DNPEP: variants seen among roughly 807,000 people sequenced by gnomAD.
DNPEP encodes aspartyl aminopeptidase.
Under a neutral mutation model 59.1 loss-of-function variants are expected in DNPEP, and 46 were observed. The observed-to-expected ratio is 0.78, with a 90% CI of 0.61 to 0.99. The LOEUF is 0.99. Ranked by LOEUF, DNPEP falls within the 50% of genes least tolerant of loss-of-function variation. DNPEP has a pLI of 0.00. For synonymous variants in DNPEP, 229 were observed against 242.2 expected (o/e 0.95, Z 0.50); for missense variants, 617 against 649.9 (o/e 0.95, Z 0.55).
chr2:219,395,337 C>T (rs1020048142), intron 1 of DNPEP, among the ~76,000 whole-genome samples: 6 of 152,154 alleles, frequency 3.9e-5, no homozygotes, highest in South Asian at 2.1e-4. Context: ...GCAGAAAGCA[C>T]GCATTTTCAC....
upstream of DNPEP, among the ~76,000 whole-genome samples, chr2:219,389,832 C>CAATCAATCAATAAATAAATAAATA (rs1553601737): frequency 7.0e-6 from 1 of 143,030 alleles, no homozygotes; most frequent in East Asian, 2.1e-4. Context: ...GATTCTGTCT[C>CAATCAATCAATAAATAAATAAATA]AATAAATAAA....
intron 4 of DNPEP, 109 bp from the exon 5 acceptor site, chr2:219,386,520 C>T (rs1953844433): frequency 1.3e-6 from 2 of 1,531,906 alleles, no homozygotes; most frequent in Admixed American, 3.6e-5. Context: ...ACATGAAAGG[C>T]TCAAGGTGTG....
At chr2:219,394,565 G>A (rs186000784) in intron 1 of DNPEP, among the ~76,000 whole-genome samples, 1 of 151,992 alleles carries the variant, frequency 6.6e-6, no homozygotes, top group Non-Finnish European at 1.5e-5. Flanking sequence ...CATGAGCCAC[G>A]GTGCCTGGCC....
chr2:219,382,210 G>T (rs909028043), intron 10 of DNPEP, 71 bp from the exon 11 acceptor site: 29 of 1,527,466 alleles, frequency 1.9e-5, no homozygotes, highest in Non-Finnish European at 2.3e-5. Context: ...AGTGAGAGGG[G>T]CCCATTGCCC....
chr2:219,375,045 G>A (rs1953316612), intron 13 of DNPEP, 23 bp from the exon 14 acceptor site: 2 of 1,612,926 alleles, frequency 1.2e-6, no homozygotes, highest in Non-Finnish European at 1.7e-6. Context: ...GGAGACCCAT[G>A]AGCAACATGC....
At chr2:219,398,676 T>C (rs1044055457) in intron 1 of DNPEP, among the ~76,000 whole-genome samples, 4 of 151,992 alleles carry the variant, frequency 2.6e-5, no homozygotes, top group African/African-American at 9.7e-5. Flanking sequence ...ACTAGGGTAA[T>C]ATGTCTCTAG....
intron 1 of DNPEP, among the ~76,000 whole-genome samples, chr2:219,394,705 G>A (rs1389786595): frequency 6.6e-6 from 1 of 152,154 alleles, no homozygotes; most frequent in Admixed American, 6.5e-5. Context: ...TCAAATTTAT[G>A]TATCCCTAGC....
At chr2:219,385,154 G>C in intron 8 of DNPEP, 1 of 405,748 alleles carries the variant, frequency 2.5e-6, no homozygotes, top group Non-Finnish European at 4.5e-6. Flanking sequence ...GTGGGTCAAA[G>C]CAGACAGGGC....
At position 219,386,693 on chromosome 2, in the gene DNPEP, C is replaced by T. The variant is rs1462870034; in HGVS notation, c.305G>A (p.Gly102Glu). The stretch of plus-strand genomic sequence containing the variant: ...GAGGCAGGGGCTGTCCGTGTGGGCC[C>T]CGATGAGGCTGAAGCCATTGCCAGG... ...YVPGNGFSLI[G>E]AHTDSPCLRV... Residue 102 changes from glycine (G) to glutamate (E), a missense_variant, in exon 4 of 15, where the codon GGG (glycine) becomes GAG (glutamate). Transcript: ENST00000273075. 6.2e-7 allele frequency: 1 copy of T among 1,612,700 alleles called. No individual in the cohort carries two copies. The highest frequency in any genetic ancestry group is 8.5e-7 in the Non-Finnish European group (1 of 1,179,698).
At chr2:219,397,282 A>C (rs547839019) in intron 1 of DNPEP, among the ~76,000 whole-genome samples, 3 of 142,684 alleles carry the variant, frequency 2.1e-5, no homozygotes, top group Non-Finnish European at 4.5e-5. Context: ...ACAGGCCTGC[A>C]AGTATTTACA....
At chr2:219,384,565 A>C in intron 8 of DNPEP, 122 bp from the exon 9 acceptor site, 1 of 659,318 alleles carries the variant, frequency 1.5e-6, no homozygotes, top group Non-Finnish European at 2.4e-6. Context: ...TTAGGGCACT[A>C]TTTTGTTTTT....
Position 219,374,891 on chromosome 2 carries a change from G to A in DNPEP, c.1371C>T (p.Cys457=), listed in dbSNP as rs373191349. 4.5e-5 allele frequency: 72 copies of A among 1,614,086 alleles called. No individual in the cohort carries two copies. Among genetic ancestry groups the A allele is most frequent in the African/African-American group, 6.7e-5 (5 of 74,916 alleles). The change falls in exon 14 of 15, where the codon TGC becomes TGT. Residue 457 remains cysteine (C), a synonymous_variant. Transcript: ENST00000273075. ...TGAGGGTCTGGAGGACTCCTGTGGT[G>A]CAGGCCATCTCCCGGATAGAGTGCA... ...LAMHSIREMA[C]TTGVLQTLTL...
rs747884591 is a variant in DNPEP at position 219,386,759 on chromosome 2, G to A, written c.239C>T (p.Ser80Phe). ...PESKYFMTRNSSTIIAFAVGG... is the reference protein window; with the variant it reads ...PESKYFMTRNFSTIIAFAVGG... ...TACAGCAAAAGCTATGATGGTGGAG[G>A]AGTTCCTGGTCATGAAGTACTGAGG... The change falls in exon 4 of 15, where the codon TCC becomes TTC. Residue 80 changes from serine (S) to phenylalanine (F), a missense_variant. Ser to Phe is a radical substitution (Grantham distance 155). Transcript: ENST00000273075. 3.1e-6 allele frequency: 5 copies of A among 1,613,238 alleles called. No individual in the cohort carries two copies. The Admixed American group carries it at 6.7e-5, about 22-fold the overall frequency.
At chr2:219,382,291 C>T (rs75944686) in intron 10 of DNPEP, 152 bp from the exon 11 acceptor site, 16,550 of 835,302 alleles carry the variant, frequency 0.02, 242 homozygotes, top group Middle Eastern at 0.034. Context: ...CGTCACTGAA[C>T]ACCAGACAGT....
In DNPEP at chr2:219,381,400, C is replaced by G; in HGVS notation, c.1174G>C (p.Ala392Pro). ...AGGGCCTCTGACACCGCGTTTGAAG[C>G]ATAGCGTTGCTTGCTGTTCACCTTG... Reference protein sequence around the residue: ...VIKVNSKQRYASNAVSEALIR... With the variant: ...VIKVNSKQRYPSNAVSEALIR... Residue 392 changes from alanine (A) to proline (P), a missense_variant, in exon 13 of 15, where the codon GCT (alanine) becomes CCT (proline). Transcript: ENST00000273075. 6.2e-7 allele frequency: 1 copy of G among 1,614,230 alleles called. No individual in the cohort carries two copies. Among genetic ancestry groups the G allele is most frequent in the Non-Finnish European group, 8.5e-7 (1 of 1,180,038 alleles).
In DNPEP at chr2:219,384,366, C is replaced by T. The variant is rs1187701949; in HGVS notation, c.852G>A (p.Gln284=). 15 of 1,608,824 alleles carry T rather than the reference C, an allele frequency of 9.3e-6. No homozygotes were observed. Among genetic ancestry groups the T allele is most frequent in the Non-Finnish European group, 1.2e-5 (14 of 1,177,754 alleles). Residue 284 remains glutamine (Q), a splice_region_variant and synonymous_variant, in exon 9 of 15, where the codon CAG becomes CAA. Coordinates refer to ENST00000273075, the MANE Select transcript of DNPEP (RefSeq NM_012100.4). ...TGCCTGGGGCGCCCCGGCTCCTCAC[C>T]TGCAGGGCACAGAAGCAGCTGTGCA... The part of the protein sequence containing the change: ...DNLHSCFCAL[Q]ALIDSCAGPG...
At position 219,385,553 on chromosome 2, in the gene DNPEP, G is replaced by C. The variant is rs1043179695; in HGVS notation, c.667-22C>G. On this transcript the variant is annotated intron_variant, in intron 7 of 14. Coordinates refer to ENST00000273075, the MANE Select transcript of DNPEP (RefSeq NM_012100.4). The stretch of plus-strand genomic sequence containing the variant: ...CATCCTGAAGAGCAGAAAGATGCTG[G>C]GAAGAGTCCATTCCTCCTCTCCTCC... 11 of 1,607,238 alleles carry C rather than the reference G, an allele frequency of 6.8e-6. No individual in the cohort carries two copies. The East Asian group carries it at 2.5e-4, about 36-fold the overall frequency.
Position 219,386,426 on chromosome 2 carries a change from GGAGAAGTCA to G in DNPEP, c.334-24_334-16del. 2 of 1,614,160 alleles carry G rather than the reference GGAGAAGTCA, an allele frequency of 1.2e-6. No individual in the cohort carries two copies. The highest frequency in any genetic ancestry group is 1.7e-4 in the Middle Eastern group (1 of 6,060). ...CGACGTTTCACCTGAGTGTAAAGAT[GGAGAAGTCA>G]GAGAAGGCTTCATGACGATATGTGG... On this transcript the variant is annotated splice_polypyrimidine_tract_variant and intron_variant, in intron 4 of 14. Coordinates refer to ENST00000273075, the MANE Select transcript of DNPEP (RefSeq NM_012100.4).
Position 219,387,836 on chromosome 2 carries a change from C to A in DNPEP, c.-42G>T, listed in dbSNP as rs781607908. 6.5e-7 allele frequency: 1 copy of A among 1,549,388 alleles called. No homozygotes were observed. Among genetic ancestry groups the A allele is most frequent in the Non-Finnish European group, 8.7e-7 (1 of 1,150,930 alleles). ...GCCCGCCCCCACCGCGCCGCCTGCCCCGCCCCTCACTAGCTTTGCAGGTCC... is the reference window on the plus strand; with the variant it reads ...GCCCGCCCCCACCGCGCCGCCTGCCACGCCCCTCACTAGCTTTGCAGGTCC... On this transcript the variant is annotated 5_prime_UTR_variant, in exon 1 of 15. Coordinates refer to ENST00000273075, the MANE Select transcript of DNPEP (RefSeq NM_012100.4).
Sources: gnomAD v4.1 joint callset for allele counts (sites outside exome capture counted in the v4.1 genomes callset) on GRCh38, gnomAD v4.1.1 for gene constraint, MANE v1.5 for transcripts, NCBI Gene and HGNC (gene_info 2026-07-23, HGNC 2026-07-21) for gene names.